The following SEMA5A variants were observed in gnomAD, a reference collection of about 807,000 sequenced individuals.
The protein encoded by SEMA5A is semaphorin-5A.
Under a neutral mutation model 135.5 loss-of-function variants are expected in SEMA5A, and 55 were observed. The observed-to-expected ratio is 0.41, with a 90% CI of 0.33 to 0.51. The LOEUF is 0.51. SEMA5A is among the 20% of genes least tolerant of loss of function. The pLI, the probability that SEMA5A is intolerant of heterozygous loss-of-function variation, is 0.37. For synonymous variants in SEMA5A, 580 were observed against 546.5 expected, an observed-to-expected ratio of 1.06 and a Z score of -0.85; for missense variants, 1,290 against 1,419.9, an observed-to-expected ratio of 0.91 and a Z score of 1.47.
intron 5 of SEMA5A, among the ~76,000 whole-genome samples, chr5:9,250,169 A>T (rs1460259100): frequency 1.3e-5 from 2 of 152,188 alleles, no homozygotes; most frequent in African/African-American, 2.4e-5. Context: ...GGCAACCAGC[A>T]GGTAGGCATT....
At chr5:9,500,235 T>A (rs1423311553) in intron 1 of SEMA5A, among the ~76,000 whole-genome samples, 1 of 152,220 alleles carries the variant, frequency 6.6e-6, no homozygotes, top group East Asian at 1.9e-4. Context: ...GTTATTATAA[T>A]GCATTATTAA....
In SEMA5A at chr5:9,090,362, C is replaced by T. The variant is rs114543832; in HGVS notation, c.2073+17778G>A. ...TGCTACAAAAGTCCTCGCTTTAAAA[C>T]GAACTTCCATTTCCATCTGCTGATA... On this transcript the variant is annotated intron_variant, in intron 16 of 22. Transcript: ENST00000382496. Among the ~76,000 whole-genome samples the T allele has an allele frequency of 2.8e-3, 433 of 152,320 alleles. 1 individual carries two copies. The highest frequency in any genetic ancestry group is 0.01 in the African/African-American group (417 of 41,574).
rs556773385 is a variant in SEMA5A, at chr5:9,374,873, GCTTCCTATAA to G, written c.124+4940_124+4949del. Among the ~76,000 whole-genome samples the G allele has an allele frequency of 4.4e-4, 67 of 152,084 alleles. 1 individual carries two copies. The East Asian group carries it at 0.012, about 28-fold the overall frequency. ...TCCAGGCTCACTGGAGGTGGAGTTG[GCTTCCTATAA>G]CTTTACTGGGCACCTGTTCCCAGTT... On this transcript the variant is annotated intron_variant, in intron 3 of 22. Coordinates refer to ENST00000382496, the MANE Select transcript of SEMA5A (RefSeq NM_003966.3).
chr5:9,325,940 C>T (rs1017355728), intron 4 of SEMA5A, among the ~76,000 whole-genome samples: 5 of 151,980 alleles, frequency 3.3e-5, no homozygotes, highest in African/African-American at 1.2e-4. Flanking sequence ...AGGCAGAAGC[C>T]GATAAAATGT....
intron 18 of SEMA5A, among the ~76,000 whole-genome samples, chr5:9,056,198 T>C (rs973269618): frequency 6.6e-6 from 1 of 152,110 alleles, no homozygotes; most frequent in African/African-American, 2.4e-5. Flanking sequence ...AACCTGCAGA[T>C]GAATGGCCGA....
intron 1 of SEMA5A, among the ~76,000 whole-genome samples, chr5:9,440,623 T>C (rs2126678487): frequency 6.6e-6 from 1 of 152,304 alleles, no homozygotes; most frequent in Non-Finnish European, 1.5e-5. Flanking sequence ...AGTTTTGCCC[T>C]GTGGCCACCT....
intron 12 of SEMA5A, among the ~76,000 whole-genome samples, chr5:9,141,843 A>G (rs562047667): frequency 5.3e-5 from 8 of 152,258 alleles, no homozygotes; most frequent in Non-Finnish European, 8.8e-5. Flanking sequence ...CTATTAGATT[A>G]TCTAAGTATC....
chr5:9,286,274 T>G (rs1750791014), intron 5 of SEMA5A, among the ~76,000 whole-genome samples: 2 of 152,196 alleles, frequency 1.3e-5, no homozygotes, highest in South Asian at 4.1e-4. Flanking sequence ...GTATTATATA[T>G]AGTTGGGTTA....
intron 13 of SEMA5A, among the ~76,000 whole-genome samples, chr5:9,124,785 T>C (rs1741015767): frequency 1.3e-5 from 2 of 152,166 alleles, no homozygotes; most frequent in Admixed American, 1.3e-4. Context: ...ATATGGAAAC[T>C]TCAGCATCCT....
chr5:9,341,184 A>C (rs1442037016), intron 3 of SEMA5A, among the ~76,000 whole-genome samples: 1 of 150,888 alleles, frequency 6.6e-6, no homozygotes, highest in African/African-American at 2.5e-5. Context: ...AATCACACAC[A>C]TACAAACACA....
chr5:9,486,731 C>T (rs1441712366), intron 1 of SEMA5A, among the ~76,000 whole-genome samples: 2 of 151,960 alleles, frequency 1.3e-5, no homozygotes, highest in East Asian at 1.9e-4. Flanking sequence ...AAGAAGAAAC[C>T]TTACATATAA....
intron 13 of SEMA5A, among the ~76,000 whole-genome samples, chr5:9,134,052 A>C (rs1410150513): frequency 6.6e-6 from 1 of 152,156 alleles, no homozygotes; most frequent in Non-Finnish European, 1.5e-5. Flanking sequence ...AAGAAGGTGC[A>C]TGCTTGCTTC....
intron 3 of SEMA5A, among the ~76,000 whole-genome samples, chr5:9,370,918 T>C (rs1194251570): frequency 6.6e-6 from 1 of 152,232 alleles, no homozygotes; most frequent in Non-Finnish European, 1.5e-5. Context: ...CTACCTTCAG[T>C]ATGACAAACA....
chr5:9,219,998 T>A (rs1187804136), intron 8 of SEMA5A, among the ~76,000 whole-genome samples: 1 of 152,160 alleles, frequency 6.6e-6, no homozygotes, highest in Non-Finnish European at 1.5e-5. Context: ...TGTGATTACA[T>A]ATACACCATG....
Position 9,204,379 on chromosome 5 carries a change from T to C in SEMA5A, c.647-2139A>G, listed in dbSNP as rs1024589142. Among the ~76,000 whole-genome samples, 2 of 152,180 alleles carry C rather than the reference T, an allele frequency of 1.3e-5. No homozygotes were observed. The highest frequency in any genetic ancestry group is 2.4e-5 in the African/African-American group (1 of 41,440). ...CTTCTGCTATTAACTTGGGGACAAA[T>C]GGCATGAAAACCACATAGTAAATAG... On this transcript the variant is annotated intron_variant, in intron 8 of 22. Coordinates refer to ENST00000382496, the MANE Select transcript of SEMA5A (RefSeq NM_003966.3). This position sits in a 1 kb window ranked among gnomAD's most constrained non-coding sequence, Gnocchi z 6.4.
At position 9,450,263 on chromosome 5, in the gene SEMA5A, G is replaced by C. The variant is rs1579560990; in HGVS notation, c.-174-12411C>G. The stretch of plus-strand genomic sequence containing the variant: ...AACGAGGCCAACCCGGTGGCCAATA[G>C]GGACCAAGAAGGAAAATAGCTTCCC... On this transcript the variant is annotated intron_variant, in intron 1 of 22. Coordinates refer to ENST00000382496, the MANE Select transcript of SEMA5A (RefSeq NM_003966.3). Among the ~76,000 whole-genome samples the C allele has an allele frequency of 2.0e-5, 3 of 152,234 alleles. No homozygotes were observed. In the East Asian group the frequency reaches 5.8e-4, roughly 29 times the overall value.
In SEMA5A at chr5:9,036,082, T is replaced by C. The variant is rs1224775324; in HGVS notation, c.*6815A>G. On this transcript the variant is annotated 3_prime_UTR_variant, in exon 23 of 23. Coordinates refer to ENST00000382496, the MANE Select transcript of SEMA5A (RefSeq NM_003966.3). ...TCTTTAAAAGTTACATCAAGCGGCA[T>C]AGCACAAAAGTTTTGCTATGCACTT... 6.6e-6 allele frequency: 1 copy of C among 151,982 alleles called. No individual in the cohort carries two copies. The highest frequency in any genetic ancestry group is 2.4e-5 in the African/African-American group (1 of 41,388). 9.4% of individuals were successfully genotyped at this position (151,982 alleles called of 1,614,324 possible).
intron 8 of SEMA5A, among the ~76,000 whole-genome samples, chr5:9,209,086 G>T (rs747101592): frequency 6.6e-6 from 1 of 152,172 alleles, no homozygotes; most frequent in Non-Finnish European, 1.5e-5. Flanking sequence ...TTACCAAGGG[G>T]AAATGGGCTG....
chr5:9,162,396 G>GTGTGTGTGTATATATA (rs1479699461), intron 11 of SEMA5A, among the ~76,000 whole-genome samples: 1 of 138,484 alleles, frequency 7.2e-6, no homozygotes, highest in Non-Finnish European at 1.5e-5. Flanking sequence ...GTGTGTGTGT[G>GTGTGTGTGTATATATA]TGTGTGTGTA....
Sources: allele counts gnomAD v4.1 joint callset (sites outside exome capture counted in the v4.1 genomes callset), GRCh38; gene constraint gnomAD v4.1.1; non-coding constraint Gnocchi (gnomAD v3.1); transcripts MANE v1.5; gene names NCBI Gene and HGNC (gene_info 2026-07-23, HGNC 2026-07-21).